Variants in APOM observed in about 807,000 individuals in gnomAD.
The protein encoded by APOM is apolipoprotein M, also known as NG20-like protein.
Under a neutral mutation model 23.5 loss-of-function variants are expected in APOM, and 24 were observed. The ratio of observed to expected loss-of-function variants is 1.02; its 90% confidence interval spans 0.74 to 1.44. The LOEUF (loss-of-function observed/expected upper bound fraction) is 1.44, where lower values mean the gene tolerates loss of function less well. Among genes scored for constraint, APOM ranks in the 40% most tolerant of loss-of-function variants. APOM has a pLI of 0.00. For synonymous variants in APOM, 82 were observed against 84.1 expected, an observed-to-expected ratio of 0.97 and a Z score of 0.14; for missense variants, 200 against 233.2, an observed-to-expected ratio of 0.86 and a Z score of 0.93.
chr6:31,657,145 C>G, intron 2 of APOM, 80 bp from the exon 3 acceptor site: 1 of 1,183,504 alleles, frequency 8.4e-7, no homozygotes, highest in Non-Finnish European at 1.2e-6. Flanking sequence ...GACTCTGTCT[C>G]AAAAAAAAAA....
In APOM at chr6:31,656,165, G is replaced by A. The variant is rs1800026973; in HGVS notation, c.114+85G>A. The A allele has an allele frequency of 3.6e-6, 4 of 1,124,336 alleles. No homozygotes were observed. In the South Asian group the frequency reaches 4.1e-5, roughly 12 times the overall value. 69.6% of individuals were successfully genotyped at this position (1,124,336 alleles called of 1,614,324 possible). A position where few individuals can be genotyped will look rare whatever the true frequency, so the allele number is the denominator to read the frequency against. ...CCTAGGATGACTGGAGACCATCTTGGGAAAGGAAGAGAGGAAGGGGGTGTG... is the reference window on the plus strand; with the variant it reads ...CCTAGGATGACTGGAGACCATCTTGAGAAAGGAAGAGAGGAAGGGGGTGTG... On this transcript the variant is annotated intron_variant, in intron 1 of 5. Transcript: ENST00000375916.
In APOM at chr6:31,657,619, T is replaced by C. The variant is rs1406716847; in HGVS notation, c.443-6T>C. ...TGACTGGCCTGACCCCACCTTGCCCTTCCAGATCGCTCACCACATCCTCCC... is the reference window on the plus strand; with the variant it reads ...TGACTGGCCTGACCCCACCTTGCCCCTCCAGATCGCTCACCACATCCTCCC... On this transcript the variant is annotated splice_region_variant and splice_polypyrimidine_tract_variant and intron_variant, in intron 4 of 5. Transcript: ENST00000375916. 1 of 1,612,584 alleles carries C rather than the reference T, an allele frequency of 6.2e-7. No individual in the cohort carries two copies. The highest frequency in any genetic ancestry group is 2.2e-5 in the East Asian group (1 of 44,888).
rs1414781693 is a variant in APOM, at chr6:31,657,617, C to T, written c.443-8C>T. ...TTTGACTGGCCTGACCCCACCTTGC[C>T]CTTCCAGATCGCTCACCACATCCTC... On this transcript the variant is annotated splice_region_variant and splice_polypyrimidine_tract_variant and intron_variant, in intron 4 of 5. Coordinates refer to ENST00000375916, the MANE Select transcript of APOM (RefSeq NM_019101.3). 2 of 1,612,160 alleles carry T rather than the reference C, an allele frequency of 1.2e-6. No individual in the cohort carries two copies. The highest frequency in any genetic ancestry group is 1.7e-5 in the Admixed American group (1 of 59,998).
chr6:31,658,123 A>G lies in APOM; in HGVS notation c.*34A>G. On this transcript the variant is annotated 3_prime_UTR_variant, in exon 6 of 6. Transcript: ENST00000375916. ...TTCATCTAAGTCCCCAGATGGGTAC[A>G]ATGGGAGCTGAGTTGTTGGAGGGAG... 1 of 1,612,048 alleles carries G rather than the reference A, an allele frequency of 6.2e-7. No individual in the cohort carries two copies. Among genetic ancestry groups the G allele is most frequent in the Non-Finnish European group, 8.5e-7 (1 of 1,178,084 alleles).
In APOM at chr6:31,658,171, G is replaced by A; in HGVS notation, c.*82G>A. 1.4e-6 allele frequency: 2 copies of A among 1,456,042 alleles called. No homozygotes were observed. The highest frequency in any genetic ancestry group is 1.9e-6 in the Non-Finnish European group (2 of 1,036,914). The allele number at this position is 1,456,042 out of a possible 1,614,324, so 90.2% of individuals were successfully genotyped here. ...GAGAAGCTGGAGACTTCCAGCTCCA[G>A]CTCCCACTCAAGATAATAAAGATAA... On this transcript the variant is annotated 3_prime_UTR_variant, in exon 6 of 6. Coordinates refer to ENST00000375916, the MANE Select transcript of APOM (RefSeq NM_019101.3).
chr6:31,657,705 T>C lies in APOM; in HGVS notation c.523T>C (p.Leu175=), dbSNP rs140196918. ...CTGCCTGGACTCCAAAGCCTTCTTA[T>C]TGACTCCTAGGAATCAAGGTAAGGG... The part of the protein sequence containing the change: ...TSCLDSKAFL[L]TPRNQEACEL... The change falls in exon 5 of 6, where the codon TTG becomes CTG. Residue 175 remains leucine, a synonymous_variant. Transcript: ENST00000375916. 232 of 1,612,666 alleles carry C rather than the reference T, an allele frequency of 1.4e-4. No individual in the cohort carries two copies. The highest frequency in any genetic ancestry group is 1.8e-4 in the Non-Finnish European group (218 of 1,179,540).
intron 1 of APOM, 78 bp downstream of exon 1, chr6:31,656,158 C>A: frequency 8.5e-7 from 1 of 1,180,682 alleles, no homozygotes. Context: ...GACTGGAGAC[C>A]ATCTTGGGAA....
chr6:31,657,125 A>G, intron 2 of APOM, 100 bp from the exon 3 acceptor site: 1 of 1,169,734 alleles, frequency 8.5e-7, no homozygotes, highest in Non-Finnish European at 1.2e-6. Flanking sequence ...CAGCCTGGGC[A>G]ACAGAGTGAG....
chr6:31,657,237 C>G lies in APOM; in HGVS notation c.282C>G (p.Leu94=), dbSNP rs1800196482. 6 of 1,612,990 alleles carry G rather than the reference C, an allele frequency of 3.7e-6. No homozygotes were observed. The highest frequency in any genetic ancestry group is 1.3e-5 in the African/African-American group (1 of 75,008). ...LRATIRMKDG[L]CVPRKWIYHL... ...ACCACCTCTGCAGGAAAGATGGGCT[C>G]TGTGTGCCCCGGAAATGGATCTACC... The change falls in exon 3 of 6, where the codon CTC becomes CTG. Residue 94 remains leucine, a synonymous_variant. Transcript: ENST00000375916.
chr6:31,656,216 G>T, intron 1 of APOM, 136 bp downstream of exon 1: 1 of 811,574 alleles, frequency 1.2e-6, no homozygotes, highest in Non-Finnish European at 1.9e-6. Context: ...AAAGCAAGAA[G>T]AAAAATATCA....
At chr6:31,653,137 A>T (rs1799040266), upstream of APOM, among the ~76,000 whole-genome samples, 2 of 152,106 alleles carry the variant, frequency 1.3e-5, no homozygotes. Flanking sequence ...AGGGGACATG[A>T]CACGTTTTAG....
intron 1 of APOM, 144 bp downstream of exon 1, chr6:31,656,224 T>C (rs1800038004): frequency 2.4e-5 from 19 of 795,946 alleles, no homozygotes; most frequent in Non-Finnish European, 3.8e-5. Flanking sequence ...AAGAAAAATA[T>C]CAGTACTGTG....
Position 31,657,155 on chromosome 6 carries a change from A to AG in APOM, c.270-70_270-69insG, listed in dbSNP as rs1315731124. The AG allele has an allele frequency of 3.4e-6, 5 of 1,480,322 alleles. No individual in the cohort carries two copies. The African/African-American group carries it at 5.7e-5, about 17-fold the overall frequency. The allele number at this position is 1,480,322 out of a possible 1,614,324, so 91.7% of individuals were successfully genotyped here. A position where few individuals can be genotyped will look rare whatever the true frequency, so the allele number is the denominator to read the frequency against. ...AGTGAGACTCTGTCTCAAAAAAAAA[A>AG]AAAAGAAGCTGGGACACTATGGTTG... On this transcript the variant is annotated intron_variant, in intron 2 of 5. Coordinates refer to ENST00000375916, the MANE Select transcript of APOM (RefSeq NM_019101.3).
rs1389918659 is a variant in APOM, at chr6:31,658,132, T to C, written c.*43T>C. 1 of 1,609,120 alleles carries C rather than the reference T, an allele frequency of 6.2e-7. No homozygotes were observed. Among genetic ancestry groups the C allele is most frequent in the Non-Finnish European group, 8.5e-7 (1 of 1,175,622 alleles). ...GTCCCCAGATGGGTACAATGGGAGC[T>C]GAGTTGTTGGAGGGAGAAGCTGGAG... is the stretch of plus-strand genomic sequence containing the variant. On this transcript the variant is annotated 3_prime_UTR_variant, in exon 6 of 6. Transcript: ENST00000375916.
In APOM at chr6:31,655,982, TG is replaced by T; in HGVS notation, c.19del (p.Ala7GlnfsTer23). 6.3e-7 allele frequency: 1 copy of T among 1,598,736 alleles called. No individual in the cohort carries two copies. Among genetic ancestry groups the T allele is most frequent in the South Asian group, 1.1e-5 (1 of 88,532 alleles). On this transcript the variant is annotated frameshift_variant, in exon 1 of 6. Transcript: ENST00000375916. LOFTEE classifies it high-confidence loss of function. ...CTGCCTGAAGATGTTCCACCAAATT[TG>T]GGCAGCTCTGCTCTACTTCTATGGT... Reference protein sequence around the residue: MFHQIWAALLYFYGII... With the variant: MFHQIXAALLYFYGII...
upstream of APOM, among the ~76,000 whole-genome samples, chr6:31,654,133 T>C (rs2151133571): frequency 6.6e-6 from 1 of 150,906 alleles, no homozygotes; most frequent in East Asian, 2.0e-4. Context: ...TAATCCCAGC[T>C]ACTTGGGAGG....
upstream of APOM, chr6:31,655,541 C>T (rs907248620): frequency 1.9e-5 from 3 of 155,412 alleles, no homozygotes; most frequent in Admixed American, 1.3e-4. Context: ...TTTATGTCCC[C>T]GGGGATTAGC....
chr6:31,656,525 C>T lies in APOM; in HGVS notation c.168C>T (p.Thr56=), dbSNP rs148806147. Residue 56 remains threonine (T), a synonymous_variant, in exon 2 of 6, where the codon ACC becomes ACT. Transcript: ENST00000375916. ...ACTTTATCGCAGGGGCAGCTCCCAC[C>T]AAGGAGGAGTTGGCAACTTTTGACC... ...QWYFIAGAAP[T]KEELATFDPV... is the part of the protein sequence containing the mutation. 125 of 1,614,036 alleles carry T rather than the reference C, an allele frequency of 7.7e-5. No homozygotes were observed. The highest frequency in any genetic ancestry group is 5.5e-5 in the Non-Finnish European group (65 of 1,180,036).
At chr6:31,656,413 G>A in intron 1 of APOM, 59 bp from the exon 2 acceptor site, 1 of 1,571,666 alleles carries the variant, frequency 6.4e-7, no homozygotes, top group Non-Finnish European at 8.7e-7. Context: ...CTGATGAAGA[G>A]GTTGAACCCA....
Sources: allele counts gnomAD v4.1 joint callset (sites outside exome capture counted in the v4.1 genomes callset), GRCh38; gene constraint gnomAD v4.1.1; transcripts MANE v1.5; gene names NCBI Gene and HGNC (gene_info 2026-07-23, HGNC 2026-07-21).